The following ACOT12 variants were observed in gnomAD, a reference collection of about 807,000 sequenced individuals.
ACOT12 encodes the protein acyl-CoA thioesterase 12, also known as acetyl-coenzyme A thioesterase.
ACOT12 carries 51 observed loss-of-function variants against 67.7 expected under a neutral mutation model. The ratio of observed to expected loss-of-function variants is 0.75; its 90% CI spans 0.60 to 0.95. The LOEUF is 0.95. ACOT12 is among the 40% of genes least tolerant of loss of function. ACOT12 has a pLI of 0.00. For missense variants in ACOT12, 734 were observed against 708.1 expected (o/e 1.04, Z -0.41); for synonymous variants, 251 against 244.6 (o/e 1.03, Z -0.24).
the ACOT12 span, among the ~76,000 whole-genome samples, chr5:81,316,291 T>G: frequency 6.6e-6 from 1 of 152,200 alleles, no homozygotes; most frequent in Non-Finnish European, 1.5e-5. Flanking sequence ...GCCAATACCC[T>G]TAAGCAGTTG....
intron 1 of ACOT12, among the ~76,000 whole-genome samples, chr5:81,388,827 C>T (rs1760795112): frequency 6.6e-6 from 1 of 152,140 alleles, no homozygotes; most frequent in African/African-American, 2.4e-5. Flanking sequence ...CAGGTCTTTC[C>T]TGTGCTATTC....
the ACOT12 span, among the ~76,000 whole-genome samples, chr5:81,321,116 C>T: frequency 2.6e-5 from 4 of 152,228 alleles, no homozygotes; most frequent in East Asian, 5.8e-4. Flanking sequence ...TTCAGCAGAA[C>T]GTGGTGGCTT....
At chr5:81,382,808 A>G (rs1432000207) in intron 2 of ACOT12, among the ~76,000 whole-genome samples, 1 of 151,826 alleles carries the variant, frequency 6.6e-6, no homozygotes, top group Admixed American at 6.6e-5. Context: ...GTCTCAAAAA[A>G]AAAAAAAGAA....
Position 81,394,111 on chromosome 5 carries a change from C to A in ACOT12, c.4G>T (p.Glu2Ter). M[E>*]RPAPGEVVMS... ...ACCACCTCGCCGGGCGCCGGCCGCT[C>A]CATGGCCAGGGCGAGAGCGCTACGC... Residue 2 changes from glutamate to a stop codon, truncating the protein, a stop_gained, in exon 1 of 15, where the codon GAG (glutamate) becomes TAG (stop). Coordinates refer to ENST00000307624, the MANE Select transcript of ACOT12 (RefSeq NM_130767.3). LOFTEE classifies it high-confidence loss of function. The A allele has an allele frequency of 4.8e-6, 7 of 1,447,792 alleles. No homozygotes were observed. The highest frequency in any genetic ancestry group is 1.4e-5 in the South Asian group (1 of 73,792). The allele number at this position is 1,447,792 out of a possible 1,614,324, so 89.7% of individuals were successfully genotyped here. A position where few individuals can be genotyped will look rare whatever the true frequency, so the allele number is the denominator to read the frequency against.
intron 11 of ACOT12, 95 bp from the exon 12 acceptor site, chr5:81,335,996 C>T: frequency 1.1e-5 from 14 of 1,248,966 alleles, no homozygotes; most frequent in Non-Finnish European, 9.8e-6. Flanking sequence ...ACCAATTGCA[C>T]TAACTAAGGC....
chr5:81,340,516 T>G (rs1172053131), intron 11 of ACOT12, among the ~76,000 whole-genome samples: 1 of 152,050 alleles, frequency 6.6e-6, no homozygotes, highest in African/African-American at 2.4e-5. Flanking sequence ...CGCCTGCCAC[T>G]GCCCCTGTCT....
chr5:81,336,436 C>G (rs1759005927), intron 11 of ACOT12, among the ~76,000 whole-genome samples: 1 of 152,160 alleles, frequency 6.6e-6, no homozygotes, highest in Non-Finnish European at 1.5e-5. Flanking sequence ...ACCATATTTC[C>G]TCAGCACGAA....
At chr5:81,348,811 G>T (rs1212288128) in intron 5 of ACOT12, among the ~76,000 whole-genome samples, 2 of 152,186 alleles carry the variant, frequency 1.3e-5, no homozygotes, top group Admixed American at 1.3e-4. Context: ...TGATCTGCCC[G>T]CCTCGGCCTC....
chr5:81,339,629 T>C (rs1759125028), intron 11 of ACOT12, among the ~76,000 whole-genome samples: 1 of 152,230 alleles, frequency 6.6e-6, no homozygotes, highest in Non-Finnish European at 1.5e-5. Flanking sequence ...TGGAATTGCC[T>C]ATAAGAGCTG....
chr5:81,352,560 C>G (rs901153761), intron 5 of ACOT12, among the ~76,000 whole-genome samples: 3 of 151,848 alleles, frequency 2.0e-5, no homozygotes, highest in Non-Finnish European at 4.4e-5. Context: ...AAAATCAAAA[C>G]AATTGAACTC....
Position 81,360,121 on chromosome 5 carries a change from C to T in ACOT12, c.361-83G>A, listed in dbSNP as rs1044316394. On this transcript the variant is annotated intron_variant, in intron 4 of 14. Transcript: ENST00000307624. The stretch of plus-strand genomic sequence containing the variant: ...TGAATTTTGCAAAACAAATGATATG[C>T]TACATGGTTTTCTAACTCAAGTAAA... The T allele has an allele frequency of 1.8e-5, 25 of 1,393,712 alleles. 1 individual carries two copies. The highest frequency in any genetic ancestry group is 6.6e-5 in the South Asian group (5 of 75,844). 86.3% of individuals were successfully genotyped at this position (1,393,712 alleles called of 1,614,324 possible).
chr5:81,322,597 T>C, the ACOT12 span, among the ~76,000 whole-genome samples: 1 of 152,150 alleles, frequency 6.6e-6, no homozygotes, highest in Non-Finnish European at 1.5e-5. Context: ...ATTTTGAGGA[T>C]AGACCAAAAG....
In ACOT12 at chr5:81,344,816, C is replaced by G. The variant is rs895125537; in HGVS notation, c.924+75G>C. The G allele has an allele frequency of 1.2e-5, 18 of 1,550,250 alleles. No homozygotes were observed. In the African/African-American group the frequency reaches 1.6e-4, roughly 14 times the overall value. ...AGGGAAAGAGCCAAAGAGGTTGTTG[C>G]CGGTGGGAGGAGATTCTAGGTAGAG... On this transcript the variant is annotated intron_variant, in intron 8 of 14. Transcript: ENST00000307624.
intron 1 of ACOT12, among the ~76,000 whole-genome samples, chr5:81,393,642 A>C (rs570499367): frequency 6.6e-6 from 1 of 152,210 alleles, no homozygotes; most frequent in East Asian, 1.9e-4. Flanking sequence ...GCTTTAGCTC[A>C]GGAGGTCGAG....
At chr5:81,324,386 G>C in the ACOT12 span, among the ~76,000 whole-genome samples, 13 of 152,294 alleles carry the variant, frequency 8.5e-5, no homozygotes, top group East Asian at 2.5e-3. Context: ...AATTTGTTGG[G>C]GGAAAGGTGG....
chr5:81,345,062 C>T lies in ACOT12; in HGVS notation c.774-21G>A, dbSNP rs764324111. 2.5e-5 allele frequency: 40 copies of T among 1,613,008 alleles called. No homozygotes were observed. The East Asian group carries it at 3.3e-4, about 13-fold the overall frequency. The stretch of plus-strand genomic sequence containing the variant: ...CAACACTGTGAAGGGTGATGCAGGG[C>T]GGTGGGCAAAGAGGATCTTGACCCA... On this transcript the variant is annotated intron_variant, in intron 7 of 14. Coordinates refer to ENST00000307624, the MANE Select transcript of ACOT12 (RefSeq NM_130767.3).
At chr5:81,346,546 T>A (rs1028345379) in intron 6 of ACOT12, among the ~76,000 whole-genome samples, 1 of 152,260 alleles carries the variant, frequency 6.6e-6, no homozygotes, top group East Asian at 1.9e-4. Context: ...TATGACACTT[T>A]GAAATAATTA....
At chr5:81,332,252 A>G (rs1758851711) in intron 13 of ACOT12, among the ~76,000 whole-genome samples, 1 of 152,220 alleles carries the variant, frequency 6.6e-6, no homozygotes, top group Admixed American at 6.5e-5. Flanking sequence ...ACGTAGGAAA[A>G]GGAACTACTT....
intron 12 of ACOT12, 111 bp from the exon 13 acceptor site, chr5:81,332,716 C>T (rs1758869501): frequency 1.6e-6 from 2 of 1,281,394 alleles, no homozygotes; most frequent in African/African-American, 1.5e-5. Flanking sequence ...GCCCCTTCAG[C>T]TCACCTAATC....
Sources: gnomAD v4.1 joint callset for allele counts (sites outside exome capture counted in the v4.1 genomes callset) on GRCh38, gnomAD v4.1.1 for gene constraint, MANE v1.5 for transcripts, NCBI Gene and HGNC (gene_info 2026-07-23, HGNC 2026-07-21) for gene names.